The following NOC2L variants were observed in gnomAD, a reference collection of about 807,000 sequenced individuals.
NOC2L encodes nucleolar complex protein 2 homolog.
A neutral mutation model predicts 94.2 loss-of-function variants in NOC2L; 101 were observed. The observed-to-expected ratio is 1.07, with a 90% confidence interval of 0.91 to 1.26. NOC2L has a LOEUF of 1.26. Ranked by LOEUF, NOC2L falls within the 50% of genes most tolerant of loss-of-function variation. NOC2L has a pLI of 0.00. For synonymous variants in NOC2L, 531 were observed against 413.4 expected, an observed-to-expected ratio of 1.28 and a Z score of -3.45; for missense variants, 1,076 against 980.1, an observed-to-expected ratio of 1.10 and a Z score of -1.31.
In NOC2L at chr1:949,864, TCTGGACCCAGCAACCTG is replaced by T. The variant is rs1370155173; in HGVS notation, c.1443+1246_1443+1262del. On this transcript the variant is annotated intron_variant, in intron 12 of 18. Transcript: ENST00000327044. The stretch of plus-strand genomic sequence containing the variant: ...GAACGTGCCTGGGGCTTCCATACCT[TCTGGACCCAGCAACCTG>T]GGGACCCAGCCCCAAGGACAGCTGT... Among the ~76,000 whole-genome samples the T allele has an allele frequency of 7.9e-5, 12 of 152,296 alleles. 1 individual carries two copies. The South Asian group carries it at 1.7e-3, about 21-fold the overall frequency.
At chr1:944,960 A>T (rs771170915) in intron 18 of NOC2L, 97 bp downstream of exon 18, 268 of 1,575,732 alleles carry the variant, frequency 1.7e-4, no homozygotes, top group Non-Finnish European at 2.2e-4. Flanking sequence ...GGGAGGGAAA[A>T]GCCTGGCCCA....
intron 9 of NOC2L, 146 bp from the exon 10 acceptor site, chr1:952,746 C>G: frequency 1.3e-6 from 1 of 771,714 alleles, no homozygotes; most frequent in Non-Finnish European, 2.2e-6. Context: ...CCCCCACCCC[C>G]AAGTGCCCAC....
intron 17 of NOC2L, 90 bp downstream of exon 17, chr1:945,428 G>A (rs372336762): frequency 6.8e-7 from 1 of 1,479,498 alleles, no homozygotes; most frequent in Non-Finnish European, 9.2e-7. Flanking sequence ...GCCCCCTGCA[G>A]GATGGGTACA....
chr1:956,607 C>T (rs927963389), intron 4 of NOC2L, among the ~76,000 whole-genome samples: 6 of 152,136 alleles, frequency 3.9e-5, no homozygotes, highest in Non-Finnish European at 5.9e-5. Context: ...GGGAGTGGGG[C>T]GCCAACAGAG....
intron 6 of NOC2L, among the ~76,000 whole-genome samples, chr1:954,726 C>T (rs572407033): frequency 6.6e-6 from 1 of 151,940 alleles, no homozygotes; most frequent in East Asian, 1.9e-4. Context: ...ACTTGGGAGG[C>T]TAAGGTGAGA....
chr1:954,193 ACCCCC>A, intron 6 of NOC2L, 111 bp from the exon 7 acceptor site: 5 of 954,044 alleles, frequency 5.2e-6, no homozygotes, highest in Non-Finnish European at 7.8e-6. Flanking sequence ...CTCTGCAGAG[ACCCCC>A]CGTCTCTCCA....
At chr1:949,036 A>G (rs1192768472) in intron 12 of NOC2L, among the ~76,000 whole-genome samples, 1 of 60,594 alleles carries the variant, frequency 1.7e-5, no homozygotes, top group Non-Finnish European at 3.8e-5. Context: ...CAACCAGAAG[A>G]CGCAGCAGCA....
At chr1:957,741 GTC>G (rs1020016773) in intron 2 of NOC2L, 27 of 164,982 alleles carry the variant, frequency 1.6e-4, no homozygotes, top group African/African-American at 5.0e-4. Flanking sequence ...TAACCTAAAG[GTC>G]TCTCTGTTTC....
In NOC2L at chr1:957,103, A is replaced by G. The variant is rs1264878729; in HGVS notation, c.350T>C (p.Leu117Pro). The change falls in exon 3 of 19, where the codon CTG (leucine) becomes CCG (proline). Residue 117 changes from leucine to proline, a missense_variant. Leu to Pro is a moderately conservative substitution (Grantham distance 98). Transcript: ENST00000327044. Reference sequence around the variant, plus strand: ...TGGTTTGGCCCACGCCCTCACCTCCAGCACATCTGGCAGGGAGTGGAACGG... The same window carrying G: ...TGGTTTGGCCCACGCCCTCACCTCCGGCACATCTGGCAGGGAGTGGAACGG... ...EGPFHSLPDV[L>P]EEASEEEDGA... 2 of 1,613,966 alleles carry G rather than the reference A, an allele frequency of 1.2e-6. No individual in the cohort carries two copies. Among genetic ancestry groups the G allele is most frequent in the Non-Finnish European group, 1.7e-6 (2 of 1,179,964 alleles).
intron 6 of NOC2L, chr1:954,434 T>A (rs1642344968): frequency 4.0e-6 from 1 of 247,610 alleles, no homozygotes; most frequent in Non-Finnish European, 7.7e-6. Flanking sequence ...CCACACGAGG[T>A]CCCTAAGCCC....
At chr1:954,489 A>G in intron 6 of NOC2L, 1 of 180,728 alleles carries the variant, frequency 5.5e-6, no homozygotes, top group Non-Finnish European at 1.1e-5. Flanking sequence ...GGCACCACCA[A>G]CTGCCGCAGA....
chr1:958,934 C>G lies in NOC2L; in HGVS notation c.174G>C (p.Ser58=), dbSNP rs1382453560. ...RSPDKPGGSP[S]ASRRKGRASE... is the part of the protein sequence containing the mutation. ...TCACGCATGTCCCCACTAACCTGGC[C>G]GAGGGGCTCCCGCCCGGCTTATCCG... The change falls in exon 2 of 19, where the codon TCG becomes TCC. Residue 58 remains serine, a synonymous_variant. Coordinates refer to ENST00000327044, the MANE Select transcript of NOC2L (RefSeq NM_015658.4). 8.1e-6 allele frequency: 13 copies of G among 1,612,654 alleles called. No homozygotes were observed. The highest frequency in any genetic ancestry group is 1.1e-5 in the Non-Finnish European group (13 of 1,179,954).
Position 944,363 on chromosome 1 carries a change from C to CG in NOC2L, c.*330dup, listed in dbSNP as rs368317021. On this transcript the variant is annotated 3_prime_UTR_variant, in exon 19 of 19. Coordinates refer to ENST00000327044, the MANE Select transcript of NOC2L (RefSeq NM_015658.4). ...GGTGCAGATGGACGAGGTCTGCAGA[C>CG]GGAGGGCAGAGGTGGTGGAAGGGGC... The CG allele has an allele frequency of 2.0e-4, 275 of 1,359,110 alleles. No individual in the cohort carries two copies. The African/African-American group carries it at 3.8e-3, about 19-fold the overall frequency. 84.2% of individuals were successfully genotyped at this position (1,359,110 alleles called of 1,614,324 possible). A position where few individuals can be genotyped will look rare whatever the true frequency, so the allele number is the denominator to read the frequency against.
chr1:953,412 C>T (rs1557620777), intron 8 of NOC2L, 124 bp from the exon 9 acceptor site: 3 of 645,540 alleles, frequency 4.6e-6, no homozygotes, highest in Non-Finnish European at 2.8e-6. Context: ...CAAAGCACCT[C>T]GGGGGAGCCG....
At chr1:958,859 C>G (rs1642496626) in intron 2 of NOC2L, 70 bp downstream of exon 2, 1 of 1,550,224 alleles carries the variant, frequency 6.5e-7, no homozygotes, top group African/African-American at 1.4e-5. Context: ...AGACCCCAGG[C>G]GAGGTCAGCA....
chr1:952,789 G>A (rs575064291), intron 9 of NOC2L, among the ~76,000 whole-genome samples, 189 bp from the exon 10 acceptor site: 1 of 152,308 alleles, frequency 6.6e-6, no homozygotes, highest in Non-Finnish European at 1.5e-5. Context: ...TGGGGCAGAA[G>A]CTCCTGCTGC....
Position 957,138 on chromosome 1 carries a change from C to T in NOC2L, c.315G>A (p.Glu105=). 2 of 1,614,102 alleles carry T rather than the reference C, an allele frequency of 1.2e-6. No individual in the cohort carries two copies. Among genetic ancestry groups the T allele is most frequent in the Non-Finnish European group, 1.7e-6 (2 of 1,180,044 alleles). The change falls in exon 3 of 19, where the codon GAG becomes GAA. Residue 105 remains glutamate (E), a synonymous_variant. Transcript: ENST00000327044. The part of the protein sequence containing the change: ...LNFSDSDSSE[E]EEGPFHSLPD... Reference sequence around the variant, plus strand: ...GCAGGGAGTGGAACGGCCCCTCTTCCTCCTCAGAGCTGTCCGAGTCGCTGA... The same window carrying T: ...GCAGGGAGTGGAACGGCCCCTCTTCTTCCTCAGAGCTGTCCGAGTCGCTGA...
intron 17 of NOC2L, 28 bp downstream of exon 17, chr1:945,490 T>A (rs550548012): frequency 3.7e-6 from 6 of 1,611,890 alleles, no homozygotes; most frequent in Non-Finnish European, 5.1e-6. Flanking sequence ...GGCCCACCCT[T>A]CCCCTGGGAG....
intron 4 of NOC2L, among the ~76,000 whole-genome samples, 156 bp downstream of exon 4, chr1:956,738 C>T (rs1362410166): frequency 6.6e-6 from 1 of 152,192 alleles, no homozygotes; most frequent in Non-Finnish European, 1.5e-5. Context: ...GAGAACAGCC[C>T]CTCCCACCAG....
Sources: gnomAD v4.1 joint callset for allele counts (sites outside exome capture counted in the v4.1 genomes callset) on GRCh38, gnomAD v4.1.1 for gene constraint, MANE v1.5 for transcripts, NCBI Gene and HGNC (gene_info 2026-07-23, HGNC 2026-07-21) for gene names.